Variants in ANKFN1 observed in about 807,000 individuals in gnomAD.
ANKFN1 encodes ankyrin repeat and fibronectin type III domain containing 1, also known as ankyrin repeat and fibronectin type-III domain-containing protein 1.
ANKFN1 carries 74 observed loss-of-function variants against 108.7 expected under a neutral mutation model. The ratio of observed to expected loss-of-function variants is 0.68; its 90% confidence interval spans 0.56 to 0.83. The LOEUF is 0.83. Among genes scored for constraint, ANKFN1 ranks in the 40% least tolerant of loss-of-function variants. ANKFN1 has a pLI of 0.00. For synonymous variants in ANKFN1, 547 were observed against 516.2 expected (o/e 1.06, Z -0.81); for missense variants, 1,505 against 1,382.3 (o/e 1.09, Z -1.41).
chr17:56,051,098 G>A lies in ANKFN1; in HGVS notation c.288+4773G>A, dbSNP rs1234444244. Among the ~76,000 whole-genome samples, 7 of 80,384 alleles carry A rather than the reference G, an allele frequency of 8.7e-5. No individual in the cohort carries two copies. The East Asian group carries it at 1.0e-3, about 12-fold the overall frequency. 52.7% of individuals were successfully genotyped at this position (80,384 alleles called of 152,430 possible). A position where few individuals can be genotyped will look rare whatever the true frequency, so the allele number is the denominator to read the frequency against. On this transcript the variant is annotated intron_variant, in intron 4 of 12. Transcript: ENST00000635860. ...CCAGCATCATTCTGATACCAAAGCC[G>A]GGCAGAGACACAACCAAAAAAGAGA... is the stretch of plus-strand genomic sequence containing the variant.
At position 56,363,675 on chromosome 17, in the gene ANKFN1, A is replaced by G. The variant is rs547863399; in HGVS notation, c.602-8971A>G. On this transcript the variant is annotated intron_variant, in intron 6 of 20. Transcript: ENST00000682825. ...GCTAAGTTATGAAATTAACCTAAGT[A>G]TCAATTAACAGATGAGTGGATTTTT... Among the ~76,000 whole-genome samples, 193 of 152,326 alleles carry G rather than the reference A, an allele frequency of 1.3e-3. 1 individual carries two copies. The highest frequency in any genetic ancestry group is 1.9e-3 in the Non-Finnish European group (128 of 68,026).
At chr17:56,384,287 G>A (rs1395560003) in intron 8 of ANKFN1, among the ~76,000 whole-genome samples, 4 of 152,112 alleles carry the variant, frequency 2.6e-5, no homozygotes, top group Non-Finnish European at 4.4e-5. Flanking sequence ...AACCCTTCAT[G>A]CTAAAAACTC....
At chr17:56,441,395 G>A (rs1476659494) in intron 9 of ANKFN1, among the ~76,000 whole-genome samples, 1 of 152,034 alleles carries the variant, frequency 6.6e-6, no homozygotes, top group East Asian at 1.9e-4. Context: ...GTTTAAACCT[G>A]CTTATTCTAA....
chr17:56,483,307 G>A (rs1258097957), intron 18 of ANKFN1, among the ~76,000 whole-genome samples: 1 of 152,100 alleles, frequency 6.6e-6, no homozygotes, highest in African/African-American at 2.4e-5. Flanking sequence ...GCAAGAGTTC[G>A]GTCAGTTCAA....
At position 56,477,361 on chromosome 17, in the gene ANKFN1, C is replaced by T. The variant is rs940950003; in HGVS notation, c.1774-127C>T. The stretch of plus-strand genomic sequence containing the variant: ...AGCATTCATGGTATACCTGAGGTTT[C>T]TCACCTAATTACTTAGTGACAGCTC... On this transcript the variant is annotated intron_variant, in intron 15 of 20. Coordinates refer to ENST00000682825, the MANE Select transcript of ANKFN1 (RefSeq NM_001370326.1). 141 of 898,050 alleles carry T rather than the reference C, an allele frequency of 1.6e-4. 2 individuals carry two copies. Among genetic ancestry groups the T allele is most frequent in the Non-Finnish European group, 2.1e-4 (136 of 634,556 alleles). The allele number at this position is 898,050 out of a possible 1,614,324, so 55.6% of individuals were successfully genotyped here. A position where few individuals can be genotyped will look rare whatever the true frequency, so the allele number is the denominator to read the frequency against.
intron 3 of ANKFN1, among the ~76,000 whole-genome samples, chr17:56,269,683 A>C (rs2043742257): frequency 6.6e-6 from 1 of 152,246 alleles, no homozygotes; most frequent in Admixed American, 6.5e-5. Context: ...GCAGCATAAC[A>C]AGGCCTTTGG....
Position 56,511,039 on chromosome 17 carries a change from AGCCTTCCTGAG to A in ANKFN1, c.3213_3223del (p.Ser1071ArgfsTer143). 1 of 1,536,004 alleles carries A rather than the reference AGCCTTCCTGAG, an allele frequency of 6.5e-7. No homozygotes were observed. Among genetic ancestry groups the A allele is most frequent in the Non-Finnish European group, 8.7e-7 (1 of 1,146,880 alleles). Reference sequence around the variant, plus strand: ...GGGCCTAACTCTGGCCCACGCTGCCAGCCTTCCTGAGGAGCGGAACAGCAGTCTCCAGGACG... The same window carrying A: ...GGGCCTAACTCTGGCCCACGCTGCCAGAGCGGAACAGCAGTCTCCAGGACG... On this transcript the variant is annotated frameshift_variant, in exon 21 of 21. Coordinates refer to ENST00000682825, the MANE Select transcript of ANKFN1 (RefSeq NM_001370326.1). LOFTEE classifies it low-confidence loss of function (END_TRUNC).
chr17:56,461,014 TTCAGGACCCCTCAC>T (rs1205584166), intron 14 of ANKFN1, among the ~76,000 whole-genome samples: 1 of 152,202 alleles, frequency 6.6e-6, no homozygotes, highest in Non-Finnish European at 1.5e-5. Context: ...AAGCTGGAGC[TTCAGGACCCCTCAC>T]TTGCATGAGC....
intron 3 of ANKFN1, among the ~76,000 whole-genome samples, chr17:56,256,198 A>C (rs2144090501): frequency 6.6e-6 from 1 of 152,318 alleles, no homozygotes; most frequent in South Asian, 2.1e-4. Context: ...AAGATTAATG[A>C]AAACATTTTC....
chr17:56,414,119 G>A (rs965018718), intron 8 of ANKFN1, among the ~76,000 whole-genome samples: 1 of 152,144 alleles, frequency 6.6e-6, no homozygotes, highest in African/African-American at 2.4e-5. Context: ...TTACATTGAT[G>A]TTCATCAAGG....
intron 4 of ANKFN1, among the ~76,000 whole-genome samples, chr17:56,333,687 C>T: frequency 6.6e-6 from 1 of 151,856 alleles, no homozygotes; most frequent in African/African-American, 2.4e-5. Context: ...GCAGTACTAG[C>T]CTTGAAAATG....
At chr17:56,328,125 AC>A (rs2045571307) in intron 4 of ANKFN1, among the ~76,000 whole-genome samples, 1 of 152,236 alleles carries the variant, frequency 6.6e-6, no homozygotes, top group South Asian at 2.1e-4. Flanking sequence ...GATTTGCTAT[AC>A]TTACGACCCC....
chr17:56,484,716 T>A (rs1309641386), intron 18 of ANKFN1, among the ~76,000 whole-genome samples: 1 of 152,186 alleles, frequency 6.6e-6, no homozygotes, highest in Non-Finnish European at 1.5e-5. Context: ...AATGAATGAT[T>A]TCCCAGGGAT....
At chr17:56,262,883 G>T (rs901094008) in intron 3 of ANKFN1, among the ~76,000 whole-genome samples, 1 of 152,158 alleles carries the variant, frequency 6.6e-6, no homozygotes, top group African/African-American at 2.4e-5. Flanking sequence ...GAAGAAAGAA[G>T]ACTTTTCCCC....
intron 4 of ANKFN1, among the ~76,000 whole-genome samples, chr17:56,080,217 G>A (rs992975692): frequency 1.3e-5 from 2 of 152,184 alleles, no homozygotes; most frequent in East Asian, 1.9e-4. Context: ...TTTTCAGAGA[G>A]CAATTAACAG....
At chr17:56,383,028 T>A (rs1278364676) in intron 8 of ANKFN1, among the ~76,000 whole-genome samples, 1 of 152,114 alleles carries the variant, frequency 6.6e-6, no homozygotes, top group African/African-American at 2.4e-5. Flanking sequence ...GAATATACAT[T>A]TTCTTCAGCA....
intron 3 of ANKFN1, among the ~76,000 whole-genome samples, chr17:56,300,625 T>C (rs1486357539): frequency 6.6e-6 from 1 of 151,424 alleles, no homozygotes; most frequent in Non-Finnish European, 1.5e-5. Flanking sequence ...CGAATTGAAC[T>C]GAAAGTCTCA....
chr17:56,271,406 G>A (rs2043790809), intron 3 of ANKFN1, among the ~76,000 whole-genome samples: 1 of 152,148 alleles, frequency 6.6e-6, no homozygotes, highest in Non-Finnish European at 1.5e-5. Context: ...AGCAATACCT[G>A]ACACAGGGAA....
chr17:56,479,339 G>A (rs575676362), intron 16 of ANKFN1, among the ~76,000 whole-genome samples: 28 of 152,194 alleles, frequency 1.8e-4, no homozygotes, highest in African/African-American at 5.8e-4. Context: ...TGTTAGCCAC[G>A]TTGTCCTTTA....
Sources: allele counts gnomAD v4.1 joint callset (sites outside exome capture counted in the v4.1 genomes callset), GRCh38; gene constraint gnomAD v4.1.1; transcripts MANE v1.5; gene names NCBI Gene and HGNC (gene_info 2026-07-23, HGNC 2026-07-21).